ELAVL4: variants seen among roughly 807,000 people sequenced by gnomAD.
ELAVL4 encodes ELAV like RNA binding protein 4.
ELAVL4 carries 1 observed loss-of-function variant against 35.6 expected under a neutral mutation model. The observed-to-expected ratio is 0.03, with a 90% CI of 0.01 to 0.13. The LOEUF (loss-of-function observed/expected upper bound fraction) is 0.13. ELAVL4 is among the 10% of genes least tolerant of loss of function. The probability of loss-of-function intolerance (pLI) is 1.00; values close to 1 mark genes in which losing one functional copy is unlikely to be tolerated. For missense variants in ELAVL4, 267 were observed against 464.9 expected (o/e 0.57, Z 3.91); for synonymous variants, 156 against 171.0 (o/e 0.91, Z 0.69).
At chr1:50,097,150 G>T (rs1327826007) in intron 1 of ELAVL4, among the ~76,000 whole-genome samples, 1 of 152,084 alleles carries the variant, frequency 6.6e-6, no homozygotes, top group Non-Finnish European at 1.5e-5. Flanking sequence ...AGCCTGAGAG[G>T]TCCAGGCTGC....
intron 2 of ELAVL4, among the ~76,000 whole-genome samples, chr1:50,168,923 G>C (rs1379311953): frequency 3.3e-5 from 5 of 150,482 alleles, no homozygotes; most frequent in Non-Finnish European, 7.4e-5. Context: ...GTTCTTTAGA[G>C]GGATAGAACT....
chr1:50,168,889 G>T (rs574280674), intron 2 of ELAVL4, among the ~76,000 whole-genome samples: 11 of 150,386 alleles, frequency 7.3e-5, no homozygotes, highest in African/African-American at 2.4e-4. Flanking sequence ...ACCACTCCTG[G>T]TACCAAAATC....
chr1:50,135,712 A>C (rs1489460821), intron 1 of ELAVL4, among the ~76,000 whole-genome samples: 2 of 152,182 alleles, frequency 1.3e-5, no homozygotes, highest in Admixed American at 1.3e-4. Flanking sequence ...GCCTCTGCCC[A>C]AAGGTATTAT....
intron 1 of ELAVL4, among the ~76,000 whole-genome samples, chr1:50,064,344 A>T (rs1298478934): frequency 4.6e-5 from 7 of 152,266 alleles, no homozygotes; most frequent in African/African-American, 1.7e-4. Context: ...CCACCTGCTG[A>T]CATTCTGTAT....
At chr1:50,174,161 C>T (rs761642075) in intron 2 of ELAVL4, 15 of 152,174 alleles carry the variant, frequency 9.9e-5, no homozygotes, top group Admixed American at 3.3e-4. Flanking sequence ...TTATTTTCTA[C>T]ATAGAGATTT....
At chr1:50,127,529 G>T (rs1052763208) in intron 1 of ELAVL4, among the ~76,000 whole-genome samples, 1 of 152,080 alleles carries the variant, frequency 6.6e-6, no homozygotes, top group Admixed American at 6.6e-5. Flanking sequence ...TCAGATTATG[G>T]TACTTGGCTC....
intron 1 of ELAVL4, among the ~76,000 whole-genome samples, chr1:50,049,374 T>A (rs1476979479): frequency 6.6e-6 from 1 of 152,196 alleles, no homozygotes; most frequent in Admixed American, 6.5e-5. Flanking sequence ...ATAAGTTTGA[T>A]GTTTTAAGTG....
At chr1:50,061,037 T>C (rs1663936619) in intron 1 of ELAVL4, among the ~76,000 whole-genome samples, 1 of 152,206 alleles carries the variant, frequency 6.6e-6, no homozygotes, top group Non-Finnish European at 1.5e-5. Flanking sequence ...ACCTCAATAT[T>C]CCGTGATACC....
At chr1:50,177,550 A>G (rs1326601695) in intron 3 of ELAVL4, among the ~76,000 whole-genome samples, 1 of 152,276 alleles carries the variant, frequency 6.6e-6, no homozygotes, top group Non-Finnish European at 1.5e-5. Context: ...GAAACAGCAC[A>G]TGCAAAGCTG....
At chr1:50,157,353 A>T (rs1048007253) in intron 2 of ELAVL4, among the ~76,000 whole-genome samples, 1 of 152,174 alleles carries the variant, frequency 6.6e-6, no homozygotes. Flanking sequence ...TAAATTCAGG[A>T]TATTACTGTG....
chr1:50,193,315 G>C (rs569086677), intron 3 of ELAVL4, among the ~76,000 whole-genome samples: 7 of 151,684 alleles, frequency 4.6e-5, no homozygotes, highest in Admixed American at 1.3e-4. Context: ...GAAGGGGATG[G>C]GGGTAGGGAG....
intron 1 of ELAVL4, among the ~76,000 whole-genome samples, chr1:50,140,421 G>A (rs1672625748): frequency 6.6e-6 from 1 of 152,216 alleles, no homozygotes; most frequent in African/African-American, 2.4e-5. Flanking sequence ...TTCCCAAGCA[G>A]AGAGAACAGG....
At chr1:50,104,041 G>T, upstream of ELAVL4, 1 of 1,608,496 alleles carries the variant, frequency 6.2e-7, no homozygotes, top group South Asian at 1.1e-5. Context: ...GCAGATGGTA[G>T]ACCGTCAATG....
upstream of ELAVL4, among the ~76,000 whole-genome samples, chr1:50,098,934 G>T (rs530036016): frequency 1.3e-5 from 2 of 152,190 alleles, no homozygotes; most frequent in Non-Finnish European, 2.9e-5. Context: ...TAAGGCAGAA[G>T]GGAAGTGCCT....
chr1:50,195,743 C>A lies in ELAVL4; in HGVS notation c.691C>A (p.Arg231=), dbSNP rs763451875. Residue 231 remains arginine (R), a synonymous_variant, in exon 5 of 7, where the codon CGG becomes AGG. Coordinates refer to ENST00000371824, the MANE Select transcript of ELAVL4 (RefSeq NM_001144774.3). ...CTCCCAGCTCTACCAGTCCCCCAAC[C>A]GGCGCTACCCAGGTCCACTTCACCA... ...LLSQLYQSPN[R]RYPGPLHHQA... 5.6e-6 allele frequency: 9 copies of A among 1,614,158 alleles called. No individual in the cohort carries two copies. Among genetic ancestry groups the A allele is most frequent in the Non-Finnish European group, 6.8e-6 (8 of 1,180,004 alleles).
At chr1:50,154,581 T>TA (rs1434622582) in intron 2 of ELAVL4, among the ~76,000 whole-genome samples, 1 of 152,222 alleles carries the variant, frequency 6.6e-6, no homozygotes, top group Non-Finnish European at 1.5e-5. Flanking sequence ...TTATTGGTGA[T>TA]ATAAGCATAA....
Position 50,197,474 on chromosome 1 carries a change from A to T in ELAVL4, c.773+7A>T. 1 of 1,571,792 alleles carries T rather than the reference A, an allele frequency of 6.4e-7. No individual in the cohort carries two copies. The highest frequency in any genetic ancestry group is 8.6e-7 in the Non-Finnish European group (1 of 1,162,056). Reference sequence around the variant, plus strand: ...TGGCCTATGGCGTAAAGAGGTAATTAAAACTCCACAGATTGCCAGATGTCC... The same window carrying T: ...TGGCCTATGGCGTAAAGAGGTAATTTAAACTCCACAGATTGCCAGATGTCC... On this transcript the variant is annotated splice_region_variant and intron_variant, in intron 6 of 6. Coordinates refer to ENST00000371824, the MANE Select transcript of ELAVL4 (RefSeq NM_001144774.3).
At chr1:50,156,120 T>G (rs1675698314) in intron 2 of ELAVL4, among the ~76,000 whole-genome samples, 1 of 152,140 alleles carries the variant, frequency 6.6e-6, no homozygotes, top group South Asian at 2.1e-4. Context: ...CCCCAAACAC[T>G]TTCTGGTCAG....
intron 5 of ELAVL4, among the ~76,000 whole-genome samples, chr1:50,196,179 C>A (rs1320168170): frequency 6.6e-6 from 1 of 152,200 alleles, no homozygotes; most frequent in Non-Finnish European, 1.5e-5. Context: ...CAGATCCTTG[C>A]CAGAAGGAGT....
Sources: allele counts gnomAD v4.1 joint callset (sites outside exome capture counted in the v4.1 genomes callset), GRCh38; gene constraint gnomAD v4.1.1; transcripts MANE v1.5; gene names NCBI Gene and HGNC (gene_info 2026-07-23, HGNC 2026-07-21).